Variants in TASOR2 observed in about 807,000 individuals in gnomAD.
TASOR2 encodes protein TASOR 2.
In TASOR2, 84 loss-of-function variants were observed where a neutral mutation model predicts 199.5. The ratio of observed to expected loss-of-function variants is 0.42; its 90% CI spans 0.35 to 0.50. TASOR2 has a LOEUF of 0.50. Ranked by LOEUF, TASOR2 falls within the 20% of genes least tolerant of loss-of-function variation. The pLI, the probability that TASOR2 is intolerant of heterozygous loss-of-function variation, is 0.02. For missense variants in TASOR2, 2,796 were observed against 2,835.9 expected, an observed-to-expected ratio of 0.99 and a Z score of 0.32; for synonymous variants, 1,103 against 1,046.6, an observed-to-expected ratio of 1.05 and a Z score of -1.04.
intron 11 of TASOR2, among the ~76,000 whole-genome samples, chr10:5,732,942 A>AGTT (rs1835032389): frequency 6.6e-6 from 1 of 152,206 alleles, no homozygotes; most frequent in Non-Finnish European, 1.5e-5. Flanking sequence ...AAAGTATGGT[A>AGTT]GTATAAAGCA....
chr10:5,737,023 G>A lies in TASOR2; in HGVS notation c.1447+1477G>A, dbSNP rs1354522586. On this transcript the variant is annotated intron_variant, in intron 12 of 20. Coordinates refer to ENST00000328090, the Ensembl canonical transcript of TASOR2. This position sits in a 1 kb window ranked among gnomAD's most constrained non-coding sequence, Gnocchi z 4.9. ...TCACCAGGCTGGAGTGCAGTAGCAC[G>A]ATCTCGGCTCACTGCAACCTCTGCC... Among the ~76,000 whole-genome samples, 4 of 152,240 alleles carry A rather than the reference G, an allele frequency of 2.6e-5. No homozygotes were observed. The highest frequency in any genetic ancestry group is 4.1e-4 in the South Asian group (2 of 4,820).
rs933575427 is a variant in TASOR2 at position 5,722,215 on chromosome 10, G to A, written c.146+1245G>A. On this transcript the variant is annotated intron_variant, in intron 6 of 20. Transcript: ENST00000328090. This position sits in a 1 kb window ranked among gnomAD's most constrained non-coding sequence, Gnocchi z 4.0. Reference sequence around the variant, plus strand: ...CCTGTCTGTAATGCTAGCACTTTGGGAGGCCAAGGCAGGAGGATTGCTTGA... The same window carrying A: ...CCTGTCTGTAATGCTAGCACTTTGGAAGGCCAAGGCAGGAGGATTGCTTGA... 1.3e-5 allele frequency among the ~76,000 whole-genome samples: 2 copies of A among 152,164 alleles called. No individual in the cohort carries two copies. Among genetic ancestry groups the A allele is most frequent in the African/African-American group, 4.8e-5 (2 of 41,440 alleles).
intron 2 of TASOR2, among the ~76,000 whole-genome samples, chr10:5,715,291 A>G (rs1832483576): frequency 6.6e-6 from 1 of 151,118 alleles, no homozygotes; most frequent in African/African-American, 2.4e-5. Flanking sequence ...CCCATTGTTT[A>G]GTGTAGTCCC....
rs1833279015 is a variant in TASOR2, at chr10:5,720,915, A to G, written c.91A>G (p.Met31Val). 6.2e-7 allele frequency: 1 copy of G among 1,613,640 alleles called. No individual in the cohort carries two copies. Among genetic ancestry groups the G allele is most frequent in the African/African-American group, 1.3e-5 (1 of 74,986 alleles). ...AGGGAAATTAATTGTTCAAGACCGT[A>G]TGCTATGTGATATAGCTCTTTGGTC... The change falls in exon 6 of 21, where the codon ATG becomes GTG. Residue 31 changes from methionine (M) to valine (V), a missense_variant. By Grantham distance (21) the Met-to-Val change is conservative. Coordinates refer to ENST00000328090, the Ensembl canonical transcript of TASOR2. The surrounding 1 kb of genome is among the most constrained non-coding windows in gnomAD (Gnocchi z 5.3).
chr10:5,763,611 TA>T (rs1206189003), exon 21 of TASOR2: 2 of 152,200 alleles, frequency 1.3e-5, no homozygotes, highest in Non-Finnish European at 2.9e-5. Flanking sequence ...TTATTTATGA[TA>T]TTGAAAATTT....
intron 10 of TASOR2, among the ~76,000 whole-genome samples, 190 bp downstream of exon 11, chr10:5,727,313 A>G (rs1395098834): frequency 1.3e-5 from 2 of 152,160 alleles, no homozygotes; most frequent in Admixed American, 6.5e-5. Flanking sequence ...CCTCAGTCCC[A>G]TATCTCCACT....
At chr10:5,725,617 CTT>C (rs5782857) in intron 8 of TASOR2, among the ~76,000 whole-genome samples, 6 of 150,002 alleles carry the variant, frequency 4.0e-5, no homozygotes, top group African/African-American at 9.8e-5. Flanking sequence ...AATTAAAAAA[CTT>C]TTTTTTTTTA....
intron 11 of TASOR2, among the ~76,000 whole-genome samples, 191 bp from the exon 13 acceptor site, chr10:5,735,113 T>G (rs1320752787): frequency 6.6e-6 from 1 of 152,198 alleles, no homozygotes; most frequent in African/African-American, 2.4e-5. Context: ...GTTCATATTA[T>G]ATTTATGTGA....
At chr10:5,693,187 A>G (rs1238086728) in intron 1 of TASOR2, among the ~76,000 whole-genome samples, 1 of 151,940 alleles carries the variant, frequency 6.6e-6, no homozygotes, top group Non-Finnish European at 1.5e-5. Context: ...GCTTAACTTC[A>G]CTCCTGATTG....
chr10:5,685,081 G>A lies in TASOR2; in HGVS notation c.-382G>A, dbSNP rs1006894556. The A allele has an allele frequency of 2.5e-5, 10 of 398,038 alleles. No homozygotes were observed. Among genetic ancestry groups the A allele is most frequent in the African/African-American group, 2.1e-4 (10 of 48,604 alleles). 24.7% of individuals were successfully genotyped at this position (398,038 alleles called of 1,614,324 possible). On this transcript the variant is annotated 5_prime_UTR_variant, in exon 1 of 21. Coordinates refer to ENST00000328090, the Ensembl canonical transcript of TASOR2. The surrounding 1 kb of genome is among the most constrained non-coding windows in gnomAD (Gnocchi z 5.4). ...TCCCACGTGCGCCGGTGTCGCGAGG[G>A]CCCGGGAGGACGCAGAGCACGGCCG...
chr10:5,686,058 C>T (rs1359163277), intron 1 of TASOR2, among the ~76,000 whole-genome samples: 1 of 152,114 alleles, frequency 6.6e-6, no homozygotes, highest in African/African-American at 2.4e-5. Flanking sequence ...TGTCCCCTAA[C>T]GGTGCAAGAA....
At chr10:5,696,557 A>G (rs1837181105) in intron 1 of TASOR2, among the ~76,000 whole-genome samples, 1 of 152,032 alleles carries the variant, frequency 6.6e-6, no homozygotes, top group South Asian at 2.1e-4. Flanking sequence ...GGGTCTCACT[A>G]TGTTGCCAGG....
chr10:5,733,010 G>T (rs1392510513), intron 11 of TASOR2, among the ~76,000 whole-genome samples: 1 of 152,154 alleles, frequency 6.6e-6, no homozygotes, highest in Non-Finnish European at 1.5e-5. Flanking sequence ...ATACTGTTCT[G>T]CATGAACCAA....
rs1831738034 is a variant in TASOR2 at position 5,710,218 on chromosome 10, A to G, written c.-287-2605A>G. 6.6e-6 allele frequency among the ~76,000 whole-genome samples: 1 copy of G among 152,016 alleles called. No individual in the cohort carries two copies. The highest frequency in any genetic ancestry group is 2.4e-5 in the African/African-American group (1 of 41,394). ...TGTCTCCTCATTTACTGAACAGGAA[A>G]CTTGTGCTTTCTTGAGAGTGTAATT... On this transcript the variant is annotated intron_variant, in intron 1 of 20. Transcript: ENST00000328090. This position sits in a 1 kb window ranked among gnomAD's most constrained non-coding sequence, Gnocchi z 4.6.
At position 5,687,692 on chromosome 10, in the gene TASOR2, T is replaced by G. The variant is rs1398495763; in HGVS notation, c.-288+2517T>G. ...AAAATTAGCCAGGTGTGGTGGCAGG[T>G]GCAGGTAGTCCCAGCTACTCGGGAG... On this transcript the variant is annotated intron_variant, in intron 1 of 20. Transcript: ENST00000328090. This position sits in a 1 kb window ranked among gnomAD's most constrained non-coding sequence, Gnocchi z 4.8. Among the ~76,000 whole-genome samples the G allele has an allele frequency of 6.6e-6, 1 of 152,126 alleles. No homozygotes were observed. The highest frequency in any genetic ancestry group is 2.4e-5 in the African/African-American group (1 of 41,422).
Position 5,701,969 on chromosome 10 carries a change from C to T in TASOR2, c.-287-10854C>T, listed in dbSNP as rs552366285. ...TCTATTTCTTTCTCTTGCCTAATTG[C>T]TCTGCCCAGTACTTCCAGTACTATA... On this transcript the variant is annotated intron_variant, in intron 1 of 20. Coordinates refer to ENST00000328090, the Ensembl canonical transcript of TASOR2. This position sits in a 1 kb window ranked among gnomAD's most constrained non-coding sequence, Gnocchi z 4.9. Among the ~76,000 whole-genome samples, 8 of 152,234 alleles carry T rather than the reference C, an allele frequency of 5.3e-5. No homozygotes were observed. In the East Asian group the frequency reaches 1.2e-3, roughly 22 times the overall value.
At chr10:5,745,250 C>T (rs1056320947) in intron 14 of TASOR2, among the ~76,000 whole-genome samples, 3 of 147,980 alleles carry the variant, frequency 2.0e-5, no homozygotes, top group African/African-American at 7.6e-5. Context: ...TTGCAAACTG[C>T]ATTGATAAAG....
Position 5,685,215 on chromosome 10 carries a change from A to T in TASOR2, c.-288+40A>T. 2.5e-6 allele frequency: 1 copy of T among 397,380 alleles called. No homozygotes were observed. The highest frequency in any genetic ancestry group is 4.4e-6 in the Non-Finnish European group (1 of 225,276). The allele number at this position is 397,380 out of a possible 1,614,324, so 24.6% of individuals were successfully genotyped here. A position where few individuals can be genotyped will look rare whatever the true frequency, so the allele number is the denominator to read the frequency against. On this transcript the variant is annotated intron_variant, in intron 1 of 20. Coordinates refer to ENST00000328090, the Ensembl canonical transcript of TASOR2. This position sits in a 1 kb window ranked among gnomAD's most constrained non-coding sequence, Gnocchi z 5.4. ...GGCCTGGGCGCCCGGGAACCCTGCGAGGAGGACGGCGGGTCCCCGAGGCCG... is the reference window on the plus strand; with the variant it reads ...GGCCTGGGCGCCCGGGAACCCTGCGTGGAGGACGGCGGGTCCCCGAGGCCG...
intron 18 of TASOR2, among the ~76,000 whole-genome samples, chr10:5,759,863 G>C (rs2131662529): frequency 6.6e-6 from 1 of 152,362 alleles, no homozygotes. Flanking sequence ...AAAGGCTTCA[G>C]CAGGTCAAGG....
Sources: gnomAD v4.1 joint callset for allele counts (sites outside exome capture counted in the v4.1 genomes callset) on GRCh38, gnomAD v4.1.1 for gene constraint, Gnocchi (gnomAD v3.1) non-coding constraint, MANE v1.5 for transcripts, NCBI Gene and HGNC (gene_info 2026-07-23, HGNC 2026-07-21) for gene names.